The following BMP5 variants were observed in gnomAD, a reference collection of about 807,000 sequenced individuals.
BMP5 encodes the protein bone morphogenetic protein 5.
In BMP5, 23 loss-of-function variants were observed where a neutral mutation model predicts 46.6. The observed-to-expected ratio is 0.49, with a 90% CI of 0.35 to 0.70. The LOEUF (loss-of-function observed/expected upper bound fraction) is 0.70. Ranked by LOEUF, BMP5 falls within the 30% of genes least tolerant of loss-of-function variation. The pLI is 0.00. For missense variants in BMP5, 545 were observed against 565.6 expected, an observed-to-expected ratio of 0.96 and a Z score of 0.37; for synonymous variants, 204 against 191.9, an observed-to-expected ratio of 1.06 and a Z score of -0.52.
intron 1 of BMP5, among the ~76,000 whole-genome samples, chr6:55,826,912 T>C (rs1776545073): frequency 6.6e-6 from 1 of 151,748 alleles, no homozygotes; most frequent in Non-Finnish European, 1.5e-5. Context: ...CCTAATATTC[T>C]TTGCATGAAA....
At chr6:55,759,755 G>A (rs575881670) in intron 5 of BMP5, among the ~76,000 whole-genome samples, 45 of 151,938 alleles carry the variant, frequency 3.0e-4, no homozygotes, top group Non-Finnish European at 6.3e-4. Context: ...ATGAATGGTT[G>A]CCTTGATATT....
rs148861675 is a variant in BMP5 at position 55,808,576 on chromosome 6, G to A, written c.683+11079C>T. Among the ~76,000 whole-genome samples, 854 of 152,318 alleles carry A rather than the reference G, an allele frequency of 5.6e-3. 9 individuals are homozygous for A. Among genetic ancestry groups the A allele is most frequent in the African/African-American group, 0.02 (811 of 41,576 alleles). ...TGTTGAGAACCTGCACAGGTCCATG[G>A]TTGGGACCCTAGGCACTGGTGGCGT... On this transcript the variant is annotated intron_variant, in intron 2 of 6. Coordinates refer to ENST00000370830, the MANE Select transcript of BMP5 (RefSeq NM_021073.4).
At chr6:55,810,184 C>T (rs1776095403) in intron 2 of BMP5, among the ~76,000 whole-genome samples, 1 of 151,980 alleles carries the variant, frequency 6.6e-6, no homozygotes, top group African/African-American at 2.4e-5. Context: ...TGGTAAATCG[C>T]TTTTTTTCCC....
intron 1 of BMP5, among the ~76,000 whole-genome samples, chr6:55,867,424 C>T (rs1404405147): frequency 6.6e-6 from 1 of 152,148 alleles, no homozygotes; most frequent in African/African-American, 2.4e-5. Flanking sequence ...GCCCACAACA[C>T]TATAAACATT....
intron 2 of BMP5, among the ~76,000 whole-genome samples, chr6:55,802,945 C>A (rs1775885400): frequency 6.6e-6 from 1 of 151,568 alleles, no homozygotes; most frequent in Non-Finnish European, 1.5e-5. Flanking sequence ...GAACAACATC[C>A]AAAGATGGAT....
In BMP5 at chr6:55,754,162, G is replaced by C. The variant is rs981572265; in HGVS notation, c.*1371C>G. The C allele has an allele frequency of 6.6e-6, 1 of 151,824 alleles. No homozygotes were observed. The highest frequency in any genetic ancestry group is 1.5e-5 in the Non-Finnish European group (1 of 67,888). 9.4% of individuals were successfully genotyped at this position (151,824 alleles called of 1,614,324 possible). Reference sequence around the variant, plus strand: ...TGCTTTATGAATACTTTAGATTAACGGTAAATAAGCCTAACCACAGAGTCA... The same window carrying C: ...TGCTTTATGAATACTTTAGATTAACCGTAAATAAGCCTAACCACAGAGTCA... On this transcript the variant is annotated 3_prime_UTR_variant, in exon 7 of 7. Coordinates refer to ENST00000370830, the MANE Select transcript of BMP5 (RefSeq NM_021073.4).
rs377163709 is a variant in BMP5 at position 55,853,787 on chromosome 6, G to T, written c.490+20589C>A. On this transcript the variant is annotated intron_variant, in intron 1 of 6. Coordinates refer to ENST00000370830, the MANE Select transcript of BMP5 (RefSeq NM_021073.4). ...TATACAGTCAAACCCGATACACATG[G>T]GGTGAGTAAGAACTGAAGTACGGTT... is the stretch of plus-strand genomic sequence containing the variant. Among the ~76,000 whole-genome samples, 63 of 152,236 alleles carry T rather than the reference G, an allele frequency of 4.1e-4. No homozygotes were observed. The South Asian group carries it at 0.012, about 29-fold the overall frequency.
Position 55,875,151 on chromosome 6 carries a change from G to T in BMP5, c.-286C>A. The T allele has an allele frequency of 3.1e-6, 1 of 324,908 alleles. No individual in the cohort carries two copies. The highest frequency in any genetic ancestry group is 5.8e-6 in the Non-Finnish European group (1 of 172,580). The allele number at this position is 324,908 out of a possible 1,614,324, so 20.1% of individuals were successfully genotyped here. ...TTGCTGCATTGATGTAGCAGAAGAC[G>T]GCTAATATTATTTGATCAGATGACC... On this transcript the variant is annotated 5_prime_UTR_variant, in exon 1 of 7. Transcript: ENST00000370830.
In BMP5 at chr6:55,760,479, C is replaced by T. The variant is rs770407675; in HGVS notation, c.1082G>A (p.Ser361Asn). The T allele has an allele frequency of 6.2e-7, 1 of 1,613,170 alleles. No homozygotes were observed. Reference protein sequence around the residue: ...QACKKHELYVSFRDLGWQDWI... With the variant: ...QACKKHELYVNFRDLGWQDWI... ...TACCTGCCATCCCAGATCCCGGAAG[C>T]TCACATAGAGTTCGTGCTTCTTACA... The change falls in exon 5 of 7, where the codon AGC (serine) becomes AAC (asparagine). Residue 361 changes from serine to asparagine, a missense_variant. Transcript: ENST00000370830.
chr6:55,834,850 G>A (rs1021089139), intron 1 of BMP5, among the ~76,000 whole-genome samples: 2 of 152,176 alleles, frequency 1.3e-5, no homozygotes, highest in East Asian at 3.9e-4. Flanking sequence ...GGAAGTTGAG[G>A]CAGGTGGACC....
chr6:55,800,049 T>TAC (rs142537871), intron 2 of BMP5, among the ~76,000 whole-genome samples: 6 of 151,942 alleles, frequency 3.9e-5, no homozygotes, highest in African/African-American at 7.3e-5. Context: ...CACACATGTA[T>TAC]ACACACACAC....
intron 1 of BMP5, among the ~76,000 whole-genome samples, chr6:55,869,744 C>A (rs1393678034): frequency 6.6e-6 from 1 of 152,086 alleles, no homozygotes; most frequent in Non-Finnish European, 1.5e-5. Flanking sequence ...GATGGAGAAA[C>A]AATTACAGGG....
chr6:55,789,662 T>C (rs1306662694), intron 3 of BMP5, among the ~76,000 whole-genome samples: 1 of 152,032 alleles, frequency 6.6e-6, no homozygotes, highest in Non-Finnish European at 1.5e-5. Flanking sequence ...AAAACAAAAA[T>C]AGAATTTATT....
intron 2 of BMP5, among the ~76,000 whole-genome samples, chr6:55,814,421 T>A (rs1776208056): frequency 6.6e-6 from 1 of 152,216 alleles, no homozygotes; most frequent in Admixed American, 6.5e-5. Context: ...CCTTCCCACA[T>A]CATCTGAAAT....
chr6:55,853,911 A>G (rs1194124685), intron 1 of BMP5, among the ~76,000 whole-genome samples: 1 of 152,190 alleles, frequency 6.6e-6, no homozygotes, highest in East Asian at 1.9e-4. Context: ...AGACACAAAT[A>G]CTACCCTAAG....
At chr6:55,763,191 A>G (rs1300723016) in intron 4 of BMP5, among the ~76,000 whole-genome samples, 3 of 152,160 alleles carry the variant, frequency 2.0e-5, no homozygotes, top group African/African-American at 7.2e-5. Flanking sequence ...ACAACATTGT[A>G]GCCAATAGCA....
intron 6 of BMP5, 45 bp from the exon 7 acceptor site, chr6:55,755,727 C>T (rs771132693): frequency 5.2e-6 from 8 of 1,546,468 alleles, no homozygotes; most frequent in African/African-American, 1.4e-5. Context: ...ATAAAATATA[C>T]ATTCTTTTGC....
In BMP5 at chr6:55,774,170, C is replaced by T; in HGVS notation, c.906G>A (p.Val302=). 1.2e-6 allele frequency: 2 copies of T among 1,613,100 alleles called. No individual in the cohort carries two copies. Among genetic ancestry groups the T allele is most frequent in the East Asian group, 2.2e-5 (1 of 44,828 alleles). Reference sequence around the variant, plus strand: ...GTACCTCACTCGCCTTGAAGAAGGCCACCATGAATGGTTGTTTTGACTGAG... The same window carrying T: ...GTACCTCACTCGCCTTGAAGAAGGCTACCATGAATGGTTGTTTTGACTGAG... The part of the protein sequence containing the change: ...QGPQSKQPFM[V]AFFKASEVLL... The change falls in exon 4 of 7, where the codon GTG becomes GTA. Residue 302 remains valine (V), a synonymous_variant. Transcript: ENST00000370830.
intron 2 of BMP5, among the ~76,000 whole-genome samples, chr6:55,818,224 G>A (rs146673548): frequency 2.0e-5 from 3 of 151,782 alleles, no homozygotes; most frequent in Non-Finnish European, 2.9e-5. Flanking sequence ...TTCTAAACCA[G>A]AGATAGAGCA....
Sources: allele counts gnomAD v4.1 joint callset (sites outside exome capture counted in the v4.1 genomes callset), GRCh38; gene constraint gnomAD v4.1.1; transcripts MANE v1.5; gene names NCBI Gene and HGNC (gene_info 2026-07-23, HGNC 2026-07-21).